MECOM: variants seen among roughly 807,000 people sequenced by gnomAD.
MECOM encodes MDS1 and EVI1 complex locus.
Under a neutral mutation model 116.3 loss-of-function variants are expected in MECOM, and 13 were observed. That is an observed-to-expected ratio of 0.11 (90% CI 0.07 to 0.18). The LOEUF (loss-of-function observed/expected upper bound fraction) is 0.18, where lower values mean the gene tolerates loss of function less well. Among genes scored for constraint, MECOM ranks in the 10% least tolerant of loss-of-function variants. MECOM has a pLI of 1.00. For synonymous variants in MECOM, 528 were observed against 535.2 expected (o/e 0.99, Z 0.19); for missense variants, 1,299 against 1,509.0 (o/e 0.86, Z 2.31).
chr3:169,208,290 A>G (rs1007921776), intron 2 of MECOM, among the ~76,000 whole-genome samples: 2 of 148,350 alleles, frequency 1.3e-5, no homozygotes, highest in Non-Finnish European at 3.0e-5. Flanking sequence ...GTTATATTAC[A>G]TTATATATAC....
intron 2 of MECOM, among the ~76,000 whole-genome samples, chr3:169,181,145 A>T (rs996256101): frequency 6.6e-6 from 1 of 152,034 alleles, no homozygotes; most frequent in Non-Finnish European, 1.5e-5. Flanking sequence ...ATGCCCAGTA[A>T]TTTACTCAAA....
At chr3:169,346,178 A>G (rs1725315336) in intron 2 of MECOM, among the ~76,000 whole-genome samples, 1 of 152,108 alleles carries the variant, frequency 6.6e-6, no homozygotes, top group Non-Finnish European at 1.5e-5. Flanking sequence ...CAAGGCATAC[A>G]TGTCAGCACG....
chr3:169,276,552 C>CAAAAAAA (rs58452538), intron 2 of MECOM, among the ~76,000 whole-genome samples: 1 of 47,774 alleles, frequency 2.1e-5, no homozygotes, highest in African/African-American at 7.3e-5. Flanking sequence ...GACTCTGCCT[C>CAAAAAAA]AAAAAAAAAA....
chr3:169,140,585 G>A (rs951679987), intron 3 of MECOM, among the ~76,000 whole-genome samples: 1 of 151,840 alleles, frequency 6.6e-6, no homozygotes, highest in Non-Finnish European at 1.5e-5. Flanking sequence ...CAATAATTTT[G>A]GAAGCATGAA....
chr3:169,260,071 G>A (rs903628085), intron 2 of MECOM, among the ~76,000 whole-genome samples: 7 of 152,174 alleles, frequency 4.6e-5, no homozygotes, highest in Admixed American at 3.3e-4. Flanking sequence ...CTGAAAGTAG[G>A]TACAAAATGG....
intron 1 of MECOM, among the ~76,000 whole-genome samples, chr3:169,541,647 C>G (rs1036047981): frequency 6.6e-6 from 1 of 152,228 alleles, no homozygotes. Flanking sequence ...CTTCCCTGTT[C>G]TAAGGCAACA....
intron 2 of MECOM, among the ~76,000 whole-genome samples, chr3:169,356,146 A>G (rs1381681478): frequency 6.6e-6 from 1 of 151,910 alleles, no homozygotes; most frequent in Non-Finnish European, 1.5e-5. Context: ...TCTGTTCTTG[A>G]AACATTCTTT....
At chr3:169,662,960 A>T (rs1216949873) in intron 1 of MECOM, among the ~76,000 whole-genome samples, 2 of 142,606 alleles carry the variant, frequency 1.4e-5, no homozygotes, top group African/African-American at 5.2e-5. Context: ...GGGGAAGGGG[A>T]GGGGAGGGGG....
intron 1 of MECOM, among the ~76,000 whole-genome samples, chr3:169,633,169 G>C (rs920756815): frequency 6.6e-6 from 1 of 151,930 alleles, no homozygotes; most frequent in Non-Finnish European, 1.5e-5. Flanking sequence ...AAACTCACCA[G>C]TATATTTGCT....
rs1165885874 is a variant in MECOM, at chr3:169,115,647, A to T, written c.2225T>A (p.Phe742Tyr). ...KLQKGSSESPFDLTTKRKDEK... is the reference protein window; with the variant it reads ...KLQKGSSESPYDLTTKRKDEK... ...ATCCTTTCGCTTAGTGGTGAGATCAAAGGGGGACTCAGAGCTGCCCTTCTG... is the reference window on the plus strand; with the variant it reads ...ATCCTTTCGCTTAGTGGTGAGATCATAGGGGGACTCAGAGCTGCCCTTCTG... The change falls in exon 8 of 17, where the codon TTT (phenylalanine) becomes TAT (tyrosine). Residue 742 changes from phenylalanine (F) to tyrosine (Y), a missense_variant. Physicochemically the swap from Phe to Tyr is conservative, Grantham distance 22 (BLOSUM62 3). Around this residue, in one of 6 missense-constraint regions of MECOM, gnomAD observed 340 missense variants for 312.6 expected, o/e 1.09. Transcript: ENST00000651503. 1.2e-6 allele frequency: 2 copies of T among 1,614,122 alleles called. No individual in the cohort carries two copies. Among genetic ancestry groups the T allele is most frequent in the Non-Finnish European group, 1.7e-6 (2 of 1,180,026 alleles).
At chr3:169,218,366 A>C (rs563733647) in intron 2 of MECOM, among the ~76,000 whole-genome samples, 41 of 152,350 alleles carry the variant, frequency 2.7e-4, no homozygotes, top group African/African-American at 9.4e-4. Context: ...GATGACACTC[A>C]AATCAGATGT....
At chr3:169,276,145 G>A (rs147536199) in intron 2 of MECOM, among the ~76,000 whole-genome samples, 3 of 152,154 alleles carry the variant, frequency 2.0e-5, no homozygotes, top group African/African-American at 4.8e-5. Context: ...TTTTGAAAGT[G>A]GGGGGTAAAA....
At chr3:169,559,050 A>G (rs1241501252) in intron 1 of MECOM, among the ~76,000 whole-genome samples, 3 of 151,564 alleles carry the variant, frequency 2.0e-5, no homozygotes, top group African/African-American at 7.3e-5. Flanking sequence ...ACACGCGCAC[A>G]CACACACACA....
intron 2 of MECOM, among the ~76,000 whole-genome samples, chr3:169,188,451 A>G (rs1747056701): frequency 6.6e-6 from 1 of 152,102 alleles, no homozygotes; most frequent in African/African-American, 2.4e-5. Context: ...AACAAGGTCA[A>G]TTTGACCTTT....
At chr3:169,218,460 G>T (rs1751691014) in intron 2 of MECOM, among the ~76,000 whole-genome samples, 1 of 152,122 alleles carries the variant, frequency 6.6e-6, no homozygotes, top group Non-Finnish European at 1.5e-5. Flanking sequence ...AAGTTTACAA[G>T]GAAAAACAGG....
chr3:169,645,204 T>C (rs1437466287), intron 1 of MECOM, among the ~76,000 whole-genome samples: 4 of 152,222 alleles, frequency 2.6e-5, no homozygotes, highest in African/African-American at 4.8e-5. Flanking sequence ...GCATAAGGGC[T>C]ACTGGCGTTC....
intron 1 of MECOM, among the ~76,000 whole-genome samples, chr3:169,455,390 TGTA>T (rs1746303601): frequency 6.6e-6 from 1 of 152,300 alleles, no homozygotes; most frequent in Admixed American, 6.5e-5. Context: ...TGGGGAAAAG[TGTA>T]GTAGTCTCTA....
chr3:169,101,929 G>A, intron 11 of MECOM, 131 bp downstream of exon 11: 2 of 749,212 alleles, frequency 2.7e-6, no homozygotes, highest in Non-Finnish European at 4.0e-6. Context: ...AGAACACTTT[G>A]AAGTGCTGGA....
intron 1 of MECOM, among the ~76,000 whole-genome samples, chr3:169,560,082 G>C (rs1212124867): frequency 6.6e-6 from 1 of 152,070 alleles, no homozygotes; most frequent in East Asian, 1.9e-4. Context: ...CCAATGCTCA[G>C]GGCAGCATTT....
Sources: gnomAD v4.1 joint callset for allele counts (sites outside exome capture counted in the v4.1 genomes callset) on GRCh38, gnomAD v4.1.1 for gene constraint, gnomAD v4.1.1 regional missense constraint, MANE v1.5 for transcripts, NCBI Gene and HGNC (gene_info 2026-07-23, HGNC 2026-07-21) for gene names.